Variants in OSBPL8 observed in about 807,000 individuals in gnomAD.
The protein encoded by OSBPL8 is oxysterol binding protein like 8.
In OSBPL8, 59 loss-of-function variants were observed where a neutral mutation model predicts 125.5. The ratio of observed to expected loss-of-function variants is 0.47; its 90% CI spans 0.38 to 0.58. The LOEUF (loss-of-function observed/expected upper bound fraction) is 0.58, where lower values mean the gene tolerates loss of function less well. Ranked by LOEUF, OSBPL8 falls within the 20% of genes least tolerant of loss-of-function variation. The pLI is 0.00. For missense variants in OSBPL8, 758 were observed against 1,047.8 expected (o/e 0.72, Z 3.82); for synonymous variants, 330 against 338.9 (o/e 0.97, Z 0.29).
Position 76,369,255 on chromosome 12 carries a change from C to G in OSBPL8, c.2287G>C (p.Asp763His), listed in dbSNP as rs372110891. ...PLNDMIQFEK[D>H]GVIQTKVKHR... The stretch of plus-strand genomic sequence containing the variant: ...TTCACTTTGGTCTGAATAACACCAT[C>G]TTTTTCAAACTGTATCATATCATTA... The change falls in exon 21 of 24, where the codon GAT (aspartate) becomes CAT (histidine). Residue 763 changes from aspartate (D) to histidine (H), a missense_variant. By Grantham distance (81) the Asp-to-His change is moderately conservative. This residue lies in a region of OSBPL8 where 572 missense variants were observed against 762.0 expected (regional missense o/e 0.75). Transcript: ENST00000261183. 2.6e-5 allele frequency: 42 copies of G among 1,610,662 alleles called. No individual in the cohort carries two copies. The highest frequency in any genetic ancestry group is 3.4e-5 in the Non-Finnish European group (40 of 1,178,868).
intron 22 of OSBPL8, 54 bp downstream of exon 22, chr12:76,358,652 T>C (rs1952083837): frequency 7.2e-6 from 10 of 1,393,626 alleles, no homozygotes; most frequent in African/African-American, 1.4e-5. Context: ...TCATATCAAA[T>C]TGTGTAGTAA....
intron 2 of OSBPL8, among the ~76,000 whole-genome samples, chr12:76,479,942 G>T (rs952359461): frequency 6.6e-6 from 1 of 151,982 alleles, no homozygotes; most frequent in African/African-American, 2.4e-5. Context: ...CGAGGCTGGC[G>T]GATCACCTGA....
chr12:76,508,922 G>A (rs1880699163), intron 1 of OSBPL8, among the ~76,000 whole-genome samples: 1 of 152,124 alleles, frequency 6.6e-6, no homozygotes, highest in Non-Finnish European at 1.5e-5. Flanking sequence ...ATAAGTAGAT[G>A]AGCAGCCCAT....
intron 1 of OSBPL8, among the ~76,000 whole-genome samples, chr12:76,502,960 T>C (rs1592803575): frequency 6.6e-6 from 1 of 152,362 alleles, no homozygotes; most frequent in East Asian, 1.9e-4. Flanking sequence ...ATAATGACTT[T>C]ATTTCATAGC....
intron 4 of OSBPL8, among the ~76,000 whole-genome samples, chr12:76,432,919 A>G (rs1871015853): frequency 6.6e-6 from 1 of 152,188 alleles, no homozygotes; most frequent in African/African-American, 2.4e-5. Flanking sequence ...CTATGGTCAA[A>G]TGGCATGCAA....
chr12:76,450,633 GTA>G (rs1873268304), intron 4 of OSBPL8, among the ~76,000 whole-genome samples: 4 of 151,954 alleles, frequency 2.6e-5, no homozygotes, highest in African/African-American at 9.7e-5. Flanking sequence ...AACTAACGAA[GTA>G]TGTTGGAGAA....
chr12:76,542,366 T>G (rs934154235), intron 1 of OSBPL8, among the ~76,000 whole-genome samples: 2 of 152,174 alleles, frequency 1.3e-5, no homozygotes, highest in African/African-American at 4.8e-5. Flanking sequence ...CACTACCACC[T>G]TCAGTGCAGG....
At chr12:76,450,753 GA>G (rs560938889) in intron 4 of OSBPL8, 97 bp downstream of exon 4, 24 of 1,271,664 alleles carry the variant, frequency 1.9e-5, no homozygotes, top group East Asian at 1.3e-4. Context: ...TAGTTAAAAA[GA>G]AAAAAAATAT....
intron 12 of OSBPL8, among the ~76,000 whole-genome samples, chr12:76,388,658 C>T (rs1446533130): frequency 6.6e-6 from 1 of 152,150 alleles, no homozygotes; most frequent in Non-Finnish European, 1.5e-5. Context: ...GAGGTTTTTA[C>T]ATGTTTAAGG....
At chr12:76,418,734 A>C (rs931475287) in intron 4 of OSBPL8, among the ~76,000 whole-genome samples, 3 of 152,044 alleles carry the variant, frequency 2.0e-5, no homozygotes, top group African/African-American at 7.2e-5. Context: ...TGGGAGGCTG[A>C]GGTGAGAGGA....
intron 1 of OSBPL8, among the ~76,000 whole-genome samples, chr12:76,514,345 G>A (rs1282540111): frequency 6.6e-6 from 1 of 151,634 alleles, no homozygotes; most frequent in African/African-American, 2.4e-5. Flanking sequence ...GTAGAGACAG[G>A]TTTCACCATA....
At chr12:76,410,752 C>T in intron 4 of OSBPL8, 118 bp from the exon 5 acceptor site, 1 of 654,672 alleles carries the variant, frequency 1.5e-6, no homozygotes. Context: ...GTACACACAG[C>T]TTTAAACTAT....
At chr12:76,491,627 T>C (rs1878725286) in intron 1 of OSBPL8, among the ~76,000 whole-genome samples, 2 of 152,230 alleles carry the variant, frequency 1.3e-5, no homozygotes, top group South Asian at 4.1e-4. Flanking sequence ...TTTGTTCCCA[T>C]GAGCCAATTC....
At chr12:76,452,842 C>T (rs1021178952) in intron 3 of OSBPL8, among the ~76,000 whole-genome samples, 1 of 152,160 alleles carries the variant, frequency 6.6e-6, no homozygotes, top group African/African-American at 2.4e-5. Context: ...GCTTTTATCT[C>T]TTGCTCTTTC....
intron 1 of OSBPL8, among the ~76,000 whole-genome samples, chr12:76,490,577 TC>T (rs2137047569): frequency 6.6e-6 from 1 of 152,212 alleles, no homozygotes; most frequent in East Asian, 1.9e-4. Context: ...CCTTTTCAGC[TC>T]CCCTTCTGGT....
chr12:76,514,250 T>C (rs1881307525), intron 1 of OSBPL8, among the ~76,000 whole-genome samples: 1 of 152,186 alleles, frequency 6.6e-6, no homozygotes, highest in African/African-American at 2.4e-5. Context: ...GTTCAAGCGA[T>C]TCTCCTGCCT....
At chr12:76,472,566 G>A (rs1338702554) in intron 2 of OSBPL8, among the ~76,000 whole-genome samples, 1 of 152,162 alleles carries the variant, frequency 6.6e-6, no homozygotes, top group Non-Finnish European at 1.5e-5. Context: ...AAGACAAAGG[G>A]GCAGGGTAAG....
At chr12:76,526,388 A>G (rs1309779698) in intron 1 of OSBPL8, among the ~76,000 whole-genome samples, 2 of 150,954 alleles carry the variant, frequency 1.3e-5, no homozygotes, top group Non-Finnish European at 2.9e-5. Flanking sequence ...TATGAATTTA[A>G]TGATTTTCCC....
chr12:76,497,333 G>A (rs1405615389), intron 1 of OSBPL8, among the ~76,000 whole-genome samples: 2 of 152,066 alleles, frequency 1.3e-5, no homozygotes, highest in African/African-American at 2.4e-5. Flanking sequence ...TAAACAAAAT[G>A]AGTCTGATAA....
Sources: allele counts gnomAD v4.1 joint callset (sites outside exome capture counted in the v4.1 genomes callset), GRCh38; gene constraint gnomAD v4.1.1; regional missense constraint gnomAD v4.1.1; transcripts MANE v1.5; gene names NCBI Gene and HGNC (gene_info 2026-07-23, HGNC 2026-07-21).